Variants in PRKG1 observed in about 807,000 individuals in gnomAD.
PRKG1 encodes protein kinase cGMP-dependent 1, also known as cGMP-dependent protein kinase 1.
PRKG1 carries 35 observed loss-of-function variants against 88.1 expected under a neutral mutation model. The observed-to-expected ratio is 0.40, with a 90% CI of 0.30 to 0.53. The LOEUF (loss-of-function observed/expected upper bound fraction) is 0.53, where lower values mean the gene tolerates loss of function less well. PRKG1 is among the 20% of genes least tolerant of loss of function. The probability of loss-of-function intolerance (pLI) is 0.59; values close to 1 mark genes in which losing one functional copy is unlikely to be tolerated. For synonymous variants in PRKG1, 303 were observed against 292.5 expected (o/e 1.04, Z -0.37); for missense variants, 540 against 839.8 (o/e 0.64, Z 4.41).
At chr10:51,763,162 A>G (rs538289518) in intron 3 of PRKG1, among the ~76,000 whole-genome samples, 13 of 152,328 alleles carry the variant, frequency 8.5e-5, no homozygotes, top group African/African-American at 2.9e-4. Flanking sequence ...AATTAGGTCA[A>G]TAGAATCTTC....
chr10:51,249,213 T>A (rs555730689), intron 2 of PRKG1, among the ~76,000 whole-genome samples: 1 of 151,974 alleles, frequency 6.6e-6, no homozygotes, highest in African/African-American at 2.4e-5. Flanking sequence ...AAAGTTGTAA[T>A]ATATAGTTTG....
chr10:51,689,402 A>C (rs1462278376), intron 3 of PRKG1, among the ~76,000 whole-genome samples: 2 of 152,206 alleles, frequency 1.3e-5, no homozygotes, highest in African/African-American at 4.8e-5. Flanking sequence ...ATAATAGATA[A>C]AACCAGCATA....
chr10:51,985,917 A>G (rs1844145357), intron 5 of PRKG1, among the ~76,000 whole-genome samples: 1 of 152,226 alleles, frequency 6.6e-6, no homozygotes. Context: ...CACGTAGCCT[A>G]CTAAACATCA....
chr10:52,128,082 G>T lies in PRKG1; in HGVS notation c.936-5758G>T, dbSNP rs1303375297. ...GTAGTAAGATTGCTTTTGATTTTGA[G>T]ATGAAAAGAATTTGCTTTGTGCTGT... On this transcript the variant is annotated intron_variant, in intron 7 of 17. Transcript: ENST00000373980. The T allele has an allele frequency of 3.0e-6, 3 of 985,112 alleles. No individual in the cohort carries two copies. In the African/African-American group the frequency reaches 5.2e-5, roughly 17 times the overall value. The allele number at this position is 985,112 out of a possible 1,614,324, so 61.0% of individuals were successfully genotyped here.
At chr10:51,656,615 A>C (rs572926309) in intron 3 of PRKG1, among the ~76,000 whole-genome samples, 1 of 152,060 alleles carries the variant, frequency 6.6e-6, no homozygotes, top group African/African-American at 2.4e-5. Flanking sequence ...TGGCCTCCTA[A>C]CTCATGTTCA....
At chr10:52,238,118 T>G (rs1420840145) in intron 9 of PRKG1, among the ~76,000 whole-genome samples, 1 of 59,716 alleles carries the variant, frequency 1.7e-5, no homozygotes, top group East Asian at 4.4e-4. Context: ...GCTAGCCATA[T>G]GTAGAAAGCT....
chr10:51,131,207 C>T (rs933489404), intron 1 of PRKG1, among the ~76,000 whole-genome samples: 4 of 152,072 alleles, frequency 2.6e-5, no homozygotes, highest in African/African-American at 9.7e-5. Flanking sequence ...CTTCAAGTAT[C>T]AAATAATGTT....
At chr10:51,939,140 T>C (rs1842853893) in intron 5 of PRKG1, among the ~76,000 whole-genome samples, 1 of 152,070 alleles carries the variant, frequency 6.6e-6, no homozygotes, top group Admixed American at 6.6e-5. Context: ...TATCTTATTT[T>C]ATTCTCTTAG....
At chr10:51,740,411 A>T (rs1387401419) in intron 3 of PRKG1, among the ~76,000 whole-genome samples, 1 of 152,230 alleles carries the variant, frequency 6.6e-6, no homozygotes, top group East Asian at 1.9e-4. Flanking sequence ...AAGATTTTTT[A>T]AATAACAAAA....
chr10:51,261,154 C>T (rs1839694635), intron 2 of PRKG1, among the ~76,000 whole-genome samples: 1 of 152,126 alleles, frequency 6.6e-6, no homozygotes, highest in Non-Finnish European at 1.5e-5. Context: ...AATTATTGAA[C>T]AGGCTGTTTA....
At chr10:51,077,962 G>T (rs1055301841) in intron 1 of PRKG1, among the ~76,000 whole-genome samples, 1 of 152,180 alleles carries the variant, frequency 6.6e-6, no homozygotes, top group African/African-American at 2.4e-5. Flanking sequence ...AGTTCTTATG[G>T]ACTTAAGTAA....
intron 4 of PRKG1, among the ~76,000 whole-genome samples, chr10:51,890,232 T>A (rs1200907432): frequency 6.6e-6 from 1 of 152,230 alleles, no homozygotes; most frequent in Non-Finnish European, 1.5e-5. Context: ...AATTAATTTT[T>A]GTATAAGGTT....
At chr10:51,602,780 G>GTGTGTA (rs1267497718) in intron 3 of PRKG1, among the ~76,000 whole-genome samples, 42 of 126,500 alleles carry the variant, frequency 3.3e-4, no homozygotes, top group Middle Eastern at 3.7e-3. Context: ...GTGTGTGTGT[G>GTGTGTA]TATATATTCA....
intron 2 of PRKG1, among the ~76,000 whole-genome samples, chr10:51,172,091 G>A (rs2132009379): frequency 6.6e-6 from 1 of 152,074 alleles, no homozygotes. Flanking sequence ...GTTTTTCAAA[G>A]GGTATTTACC....
chr10:52,132,569 T>C (rs1837294574), intron 7 of PRKG1, among the ~76,000 whole-genome samples: 2 of 152,100 alleles, frequency 1.3e-5, no homozygotes, highest in Admixed American at 1.3e-4. Flanking sequence ...AAAAAGTCAC[T>C]GGGAACATCT....
chr10:51,093,187 A>T (rs986819529), intron 1 of PRKG1, among the ~76,000 whole-genome samples: 15 of 152,262 alleles, frequency 9.9e-5, no homozygotes, highest in African/African-American at 3.6e-4. Context: ...GCTTGTTAGA[A>T]ATGCAGATTC....
At chr10:51,289,856 G>T (rs111488632) in intron 2 of PRKG1, among the ~76,000 whole-genome samples, 72 of 152,114 alleles carry the variant, frequency 4.7e-4, no homozygotes, top group African/African-American at 1.6e-3. Context: ...GGCCTTAAGG[G>T]TGCTTTAACT....
chr10:51,675,767 T>A (rs1360823693), intron 3 of PRKG1, among the ~76,000 whole-genome samples: 1 of 152,170 alleles, frequency 6.6e-6, no homozygotes, highest in Non-Finnish European at 1.5e-5. Flanking sequence ...CCCCATGTAA[T>A]ATTCCTAAAG....
chr10:51,845,079 C>T (rs887664161), intron 4 of PRKG1, among the ~76,000 whole-genome samples: 1 of 152,060 alleles, frequency 6.6e-6, no homozygotes, highest in African/African-American at 2.4e-5. Context: ...TCTGGTTGGC[C>T]AGCTACCTCA....
Sources: allele counts gnomAD v4.1 joint callset (sites outside exome capture counted in the v4.1 genomes callset), GRCh38; gene constraint gnomAD v4.1.1; transcripts MANE v1.5; gene names NCBI Gene and HGNC (gene_info 2026-07-23, HGNC 2026-07-21).